The following KIAA1328 variants were observed in gnomAD, a reference collection of about 807,000 sequenced individuals.
KIAA1328 encodes protein hinderin.
Under a neutral mutation model 68.1 loss-of-function variants are expected in KIAA1328, and 52 were observed. The ratio of observed to expected loss-of-function variants is 0.76; its 90% CI spans 0.61 to 0.96. KIAA1328 has a LOEUF of 0.96. KIAA1328 is among the 40% of genes least tolerant of loss of function. The probability of loss-of-function intolerance (pLI) is 0.00; values close to 1 mark genes in which losing one functional copy is unlikely to be tolerated. For missense variants in KIAA1328, 641 were observed against 677.6 expected (o/e 0.95, Z 0.60); for synonymous variants, 232 against 239.4 (o/e 0.97, Z 0.28).
chr18:36,940,400 C>T (rs1472318620), intron 5 of KIAA1328, among the ~76,000 whole-genome samples: 1 of 152,172 alleles, frequency 6.6e-6, no homozygotes, highest in Non-Finnish European at 1.5e-5. Flanking sequence ...GTAAGTTTTT[C>T]TCTTTTTATG....
chr18:36,896,552 C>A (rs1015306370), intron 5 of KIAA1328, among the ~76,000 whole-genome samples: 23 of 152,166 alleles, frequency 1.5e-4, no homozygotes, highest in African/African-American at 4.8e-4. Context: ...CTTTTTGATA[C>A]CCACATGTAA....
chr18:36,838,980 G>A (rs562096972), intron 3 of KIAA1328, among the ~76,000 whole-genome samples: 4 of 152,056 alleles, frequency 2.6e-5, no homozygotes, highest in Admixed American at 6.5e-5. Flanking sequence ...TTATCTGCCC[G>A]CCTCGGCCTC....
intron 5 of KIAA1328, among the ~76,000 whole-genome samples, chr18:36,910,375 G>A (rs777024086): frequency 4.4e-4 from 67 of 152,100 alleles, no homozygotes; most frequent in Non-Finnish European, 8.1e-4. Context: ...TTATTAAATA[G>A]GGAATCCTTT....
chr18:36,951,034 A>T (rs1169666224), intron 5 of KIAA1328, among the ~76,000 whole-genome samples: 3 of 152,206 alleles, frequency 2.0e-5, no homozygotes, highest in Non-Finnish European at 1.5e-5. Flanking sequence ...CACTGGACAC[A>T]GTCGACTTCA....
intron 2 of KIAA1328, among the ~76,000 whole-genome samples, chr18:36,835,013 AT>A (rs1375129480): frequency 6.6e-6 from 1 of 152,196 alleles, no homozygotes; most frequent in Non-Finnish European, 1.5e-5. Flanking sequence ...CTTTAAAAAA[AT>A]AAATATAAAA....
intron 6 of KIAA1328, among the ~76,000 whole-genome samples, chr18:36,960,246 C>T (rs576041452): frequency 6.6e-5 from 10 of 152,294 alleles, no homozygotes; most frequent in East Asian, 3.9e-4. Context: ...GGCTGCAGCC[C>T]GGCAGGGGGA....
At chr18:37,200,586 T>C (rs1040406557) in intron 9 of KIAA1328, among the ~76,000 whole-genome samples, 2 of 148,290 alleles carry the variant, frequency 1.3e-5, no homozygotes, top group South Asian at 2.1e-4. Flanking sequence ...CCGAGGCGGG[T>C]GGATCATGAG....
chr18:37,059,486 G>T (rs1044297816), intron 6 of KIAA1328, among the ~76,000 whole-genome samples: 5 of 152,176 alleles, frequency 3.3e-5, no homozygotes, highest in Non-Finnish European at 7.3e-5. Context: ...AAACCACAAT[G>T]AGATACCATC....
chr18:36,868,077 TG>T (rs1361465137), intron 4 of KIAA1328, among the ~76,000 whole-genome samples: 3 of 152,242 alleles, frequency 2.0e-5, no homozygotes, highest in Non-Finnish European at 2.9e-5. Flanking sequence ...GAAACTTTTT[TG>T]CTTGTTTTAG....
chr18:37,106,570 CA>C (rs1279407402), intron 7 of KIAA1328, among the ~76,000 whole-genome samples: 1 of 152,042 alleles, frequency 6.6e-6, no homozygotes, highest in Non-Finnish European at 1.5e-5. Flanking sequence ...AGGCGTGCCC[CA>C]CCACGCCTGG....
intron 7 of KIAA1328, among the ~76,000 whole-genome samples, chr18:37,120,731 A>G (rs2058248136): frequency 6.6e-6 from 1 of 152,100 alleles, no homozygotes; most frequent in Non-Finnish European, 1.5e-5. Flanking sequence ...TACTACAGAA[A>G]TTTTGCTGTA....
chr18:37,050,953 G>A, intron 6 of KIAA1328, among the ~76,000 whole-genome samples: 1 of 152,084 alleles, frequency 6.6e-6, no homozygotes, highest in East Asian at 1.9e-4. Flanking sequence ...ATAAACCATA[G>A]AGATAATCAA....
chr18:36,986,101 T>G (rs2052911950), intron 6 of KIAA1328, among the ~76,000 whole-genome samples: 1 of 151,976 alleles, frequency 6.6e-6, no homozygotes, highest in Non-Finnish European at 1.5e-5. Flanking sequence ...CCAACCATTA[T>G]GCTAGGTATT....
chr18:37,077,022 A>G (rs2056763288), intron 7 of KIAA1328, among the ~76,000 whole-genome samples: 1 of 152,126 alleles, frequency 6.6e-6, no homozygotes, highest in Non-Finnish European at 1.5e-5. Context: ...CCAGGCAGAG[A>G]CACAACCAAA....
chr18:36,986,293 A>C (rs1256276305), intron 6 of KIAA1328, among the ~76,000 whole-genome samples: 1 of 152,196 alleles, frequency 6.6e-6, no homozygotes, highest in Non-Finnish European at 1.5e-5. Context: ...CAGTAACATG[A>C]GTGAATGTCA....
chr18:36,881,387 C>T (rs1371617786), intron 4 of KIAA1328, among the ~76,000 whole-genome samples: 1 of 151,972 alleles, frequency 6.6e-6, no homozygotes, highest in East Asian at 1.9e-4. Flanking sequence ...GAAATTTATG[C>T]ATTTCACTTT....
intron 4 of KIAA1328, among the ~76,000 whole-genome samples, chr18:36,870,049 A>T (rs569907057): frequency 6.6e-6 from 1 of 152,018 alleles, no homozygotes; most frequent in South Asian, 2.1e-4. Flanking sequence ...TTTTTAGTAG[A>T]GACGGGGTTT....
chr18:36,906,906 A>G (rs770668078), intron 5 of KIAA1328, among the ~76,000 whole-genome samples: 6 of 152,110 alleles, frequency 3.9e-5, no homozygotes, highest in Non-Finnish European at 5.9e-5. Context: ...ATATATATCA[A>G]TTAGGGAGAA....
At position 37,210,921 on chromosome 18, in the gene KIAA1328, G is replaced by A. The variant is rs2060304139; in HGVS notation, c.1524-11096G>A. ...ACTTATTGAACAAAATTAGCAATGA[G>A]GTACAACTGAAATCTGAGCCCTGCT... On this transcript the variant is annotated intron_variant, in intron 9 of 9. Transcript: ENST00000280020. Among the ~76,000 whole-genome samples, 6 of 152,200 alleles carry A rather than the reference G, an allele frequency of 3.9e-5. No individual in the cohort carries two copies. In the South Asian group the frequency reaches 1.2e-3, roughly 32 times the overall value.
Sources: allele counts gnomAD v4.1 joint callset (sites outside exome capture counted in the v4.1 genomes callset), GRCh38; gene constraint gnomAD v4.1.1; transcripts MANE v1.5; gene names NCBI Gene and HGNC (gene_info 2026-07-23, HGNC 2026-07-21).